PPFIBP2: variants seen among roughly 807,000 people sequenced by gnomAD.
PPFIBP2 encodes the protein PPFIB scaffold protein 2.
PPFIBP2 carries 118 observed loss-of-function variants against 118.3 expected under a neutral mutation model. The ratio of observed to expected loss-of-function variants is 1.00; its 90% CI spans 0.86 to 1.16. The LOEUF is 1.16. Among genes scored for constraint, PPFIBP2 ranks in the 50% most tolerant of loss-of-function variants. PPFIBP2 has a pLI of 0.00. For missense variants in PPFIBP2, 1,195 were observed against 1,073.1 expected, an observed-to-expected ratio of 1.11 and a Z score of -1.59; for synonymous variants, 414 against 397.4, an observed-to-expected ratio of 1.04 and a Z score of -0.50.
chr11:7,626,659 T>C (rs77561167), intron 8 of PPFIBP2, among the ~76,000 whole-genome samples: 2,879 of 152,354 alleles, frequency 0.019, 86 homozygotes, highest in African/African-American at 0.066. Flanking sequence ...TGATCAAAAA[T>C]AGAGGATAAA....
At chr11:7,651,074 A>C (rs1251968868) in intron 22 of PPFIBP2, 109 bp downstream of exon 22, 2 of 1,169,460 alleles carry the variant, frequency 1.7e-6, no homozygotes, top group Non-Finnish European at 2.4e-6. Flanking sequence ...TAGGTACTTC[A>C]TCTGGAGGTC....
intron 1 of PPFIBP2, among the ~76,000 whole-genome samples, chr11:7,546,778 C>G (rs756987546): frequency 1.7e-4 from 26 of 152,256 alleles, no homozygotes; most frequent in Non-Finnish European, 3.5e-4. Context: ...CTGCCTGGAA[C>G]AGCATTCTCC....
intron 5 of PPFIBP2, chr11:7,605,969 T>C (rs1159787917): frequency 2.6e-6 from 4 of 1,535,144 alleles, no homozygotes; most frequent in Non-Finnish European, 3.5e-6. Flanking sequence ...ATGGGAAAGT[T>C]AATAACAAGG....
At chr11:7,641,184 C>T (rs1852143555) in intron 15 of PPFIBP2, 1 of 932,584 alleles carries the variant, frequency 1.1e-6, no homozygotes, top group Admixed American at 2.7e-5. Context: ...CTGCATCTCC[C>T]TCTGAGGAAA....
intron 3 of PPFIBP2, among the ~76,000 whole-genome samples, chr11:7,578,348 T>C (rs944890002): frequency 7.9e-5 from 12 of 152,154 alleles, no homozygotes; most frequent in Non-Finnish European, 1.5e-4. Flanking sequence ...TTAGGCTGAG[T>C]GTTTTTCAGA....
the PPFIBP2 span, among the ~76,000 whole-genome samples, chr11:7,663,499 G>A: frequency 2.6e-5 from 4 of 152,198 alleles, no homozygotes; most frequent in Admixed American, 1.3e-4. Context: ...GAGGCAGTCT[G>A]CCCGTTCTCA....
chr11:7,656,942 C>A, downstream of PPFIBP2: 2 of 532,020 alleles, frequency 3.8e-6, no homozygotes, highest in South Asian at 1.7e-5. Context: ...AGGCATGAAG[C>A]AGAGCTGTGG....
chr11:7,627,295 C>T (rs1850149113), intron 8 of PPFIBP2, among the ~76,000 whole-genome samples: 1 of 152,180 alleles, frequency 6.6e-6, no homozygotes, highest in Non-Finnish European at 1.5e-5. Context: ...TGTTAGCTAC[C>T]TAGAGCCTAA....
At chr11:7,558,836 A>G (rs988809872) in intron 2 of PPFIBP2, among the ~76,000 whole-genome samples, 44 of 152,340 alleles carry the variant, frequency 2.9e-4, no homozygotes, top group African/African-American at 1.0e-3. Flanking sequence ...CTCAAAAATA[A>G]TTATTAAATC....
the PPFIBP2 span, chr11:7,665,216 C>G: frequency 1.6e-6 from 1 of 606,420 alleles, no homozygotes; most frequent in Non-Finnish European, 2.7e-6. Context: ...CCCTTGAGCC[C>G]TTTTTGTTAG....
intron 1 of PPFIBP2, among the ~76,000 whole-genome samples, chr11:7,525,436 T>C (rs138525862): frequency 1.5e-4 from 23 of 152,284 alleles, no homozygotes; most frequent in South Asian, 2.1e-4. Flanking sequence ...TCAAGAGATA[T>C]TTAGATCATC....
chr11:7,627,636 C>G (rs1458381358), intron 8 of PPFIBP2, among the ~76,000 whole-genome samples: 1 of 152,158 alleles, frequency 6.6e-6, no homozygotes, highest in Admixed American at 6.5e-5. Context: ...GAGAGAAGGC[C>G]TTGGATTTTC....
chr11:7,544,772 TAAAAAAA>T (rs1194860244), intron 1 of PPFIBP2, among the ~76,000 whole-genome samples: 3 of 86,144 alleles, frequency 3.5e-5, no homozygotes, highest in African/African-American at 4.6e-5. Context: ...AGACTCCATC[TAAAAAAA>T]AAAAAAAAAA....
rs1002123522 is a variant in PPFIBP2 at position 7,650,450 on chromosome 11, A to T, written c.2122-390A>T. Among the ~76,000 whole-genome samples, 4 of 152,236 alleles carry T rather than the reference A, an allele frequency of 2.6e-5. No individual in the cohort carries two copies. In the East Asian group the frequency reaches 7.7e-4, roughly 29 times the overall value. ...AAGTACCTTAAGGTGTGCTCCCCTA[A>T]AATCATTGGCCACACCAGGGAGATC... On this transcript the variant is annotated intron_variant, in intron 21 of 23. Transcript: ENST00000299492.
intron 2 of PPFIBP2, among the ~76,000 whole-genome samples, chr11:7,556,251 T>C (rs11820687): frequency 2.0e-3 from 299 of 152,166 alleles, no homozygotes; most frequent in African/African-American, 4.4e-3. Context: ...GTCAGGAGAT[T>C]GAGACCATCC....
intron 2 of PPFIBP2, among the ~76,000 whole-genome samples, chr11:7,558,797 A>G (rs879836489): frequency 1.3e-5 from 2 of 152,122 alleles, no homozygotes; most frequent in South Asian, 2.1e-4. Context: ...ATGAAATCCT[A>G]TAACACTTGC....
chr11:7,555,136 C>A (rs939961642), intron 2 of PPFIBP2, among the ~76,000 whole-genome samples: 1 of 152,180 alleles, frequency 6.6e-6, no homozygotes, highest in Admixed American at 6.5e-5. Context: ...AATTTGTGAA[C>A]TGACAGGTTC....
intron 2 of PPFIBP2, among the ~76,000 whole-genome samples, chr11:7,564,756 G>A (rs188697569): frequency 1.3e-5 from 2 of 152,346 alleles, no homozygotes; most frequent in Non-Finnish European, 1.5e-5. Flanking sequence ...GCCAAGAAAG[G>A]TGGGGCTGTC....
At chr11:7,519,771 T>TCAA (rs1367441699) in intron 1 of PPFIBP2, among the ~76,000 whole-genome samples, 9 of 152,024 alleles carry the variant, frequency 5.9e-5, no homozygotes, top group Admixed American at 2.6e-4. Flanking sequence ...GGCTTAGAGG[T>TCAA]GTCCCCCTAA....
Sources: gnomAD v4.1 joint callset for allele counts (sites outside exome capture counted in the v4.1 genomes callset) on GRCh38, gnomAD v4.1.1 for gene constraint, MANE v1.5 for transcripts, NCBI Gene and HGNC (gene_info 2026-07-23, HGNC 2026-07-21) for gene names.